Variants in PDE7B observed in about 807,000 individuals in gnomAD.
PDE7B encodes the protein 3',5'-cyclic-AMP phosphodiesterase 7B.
In PDE7B, 29 loss-of-function variants were observed where a neutral mutation model predicts 56.2. The observed-to-expected ratio is 0.52, with a 90% CI of 0.38 to 0.70. The LOEUF is 0.70. PDE7B is among the 30% of genes least tolerant of loss of function. The pLI is 0.00. For synonymous variants in PDE7B, 197 were observed against 196.9 expected (o/e 1.00, Z 0.00); for missense variants, 490 against 565.0 (o/e 0.87, Z 1.35).
At chr6:136,171,801 C>T (rs1474491989) in intron 8 of PDE7B, among the ~76,000 whole-genome samples, 2 of 126,922 alleles carry the variant, frequency 1.6e-5, no homozygotes, top group African/African-American at 6.0e-5. Flanking sequence ...CCCGACCCCA[C>T]AACAGGCCCT....
chr6:136,128,259 A>G (rs533208343), intron 3 of PDE7B, among the ~76,000 whole-genome samples: 3 of 152,178 alleles, frequency 2.0e-5, no homozygotes, highest in Admixed American at 6.5e-5. Flanking sequence ...CATTCCCCTT[A>G]ACAGAAAGCT....
chr6:135,939,828 A>G (rs1774479299), intron 1 of PDE7B, among the ~76,000 whole-genome samples: 1 of 152,102 alleles, frequency 6.6e-6, no homozygotes, highest in South Asian at 2.1e-4. Flanking sequence ...GGACTAAGAA[A>G]CACTTCAGCT....
intron 1 of PDE7B, among the ~76,000 whole-genome samples, chr6:135,876,693 A>C (rs539828748): frequency 6.6e-6 from 1 of 152,212 alleles, no homozygotes; most frequent in East Asian, 1.9e-4. Flanking sequence ...CCCCGTCTCT[A>C]CTAAAAATAC....
intron 2 of PDE7B, among the ~76,000 whole-genome samples, chr6:136,069,486 A>G (rs1777009626): frequency 1.3e-5 from 2 of 152,236 alleles, no homozygotes; most frequent in Non-Finnish European, 2.9e-5. Context: ...TGTACAGTTC[A>G]AAACTGTCTC....
At chr6:135,898,622 A>G (rs1775943565) in intron 1 of PDE7B, among the ~76,000 whole-genome samples, 1 of 152,154 alleles carries the variant, frequency 6.6e-6, no homozygotes, top group African/African-American at 2.4e-5. Flanking sequence ...CAAAATTTTA[A>G]ATTATATACT....
intron 1 of PDE7B, among the ~76,000 whole-genome samples, chr6:135,863,812 G>T (rs1381059166): frequency 6.7e-6 from 1 of 148,688 alleles, no homozygotes; most frequent in African/African-American, 2.5e-5. Flanking sequence ...GTTTTAAATT[G>T]TCTATATGTT....
Position 136,054,458 on chromosome 6 carries a change from A to C in PDE7B, c.83-54273A>C, listed in dbSNP as rs534642698. Reference sequence around the variant, plus strand: ...TATCATGCTGTTTTGGTTACTGTAGACTTGTAGTATAGTTTGAAGTCAGGT... The same window carrying C: ...TATCATGCTGTTTTGGTTACTGTAGCCTTGTAGTATAGTTTGAAGTCAGGT... On this transcript the variant is annotated intron_variant, in intron 2 of 12. Coordinates refer to ENST00000308191, the MANE Select transcript of PDE7B (RefSeq NM_018945.4). Among the ~76,000 whole-genome samples, 515 of 151,992 alleles carry C rather than the reference A, an allele frequency of 3.4e-3. 1 individual carries two copies. Among genetic ancestry groups the C allele is most frequent in the Non-Finnish European group, 5.3e-3 (363 of 67,942 alleles).
In PDE7B at chr6:135,886,009, C is replaced by T. The variant is rs191567980; in HGVS notation, c.21+33990C>T. On this transcript the variant is annotated intron_variant, in intron 1 of 12. Coordinates refer to ENST00000308191, the MANE Select transcript of PDE7B (RefSeq NM_018945.4). The stretch of plus-strand genomic sequence containing the variant: ...TGTCAGCTTTGAGCAAAACGTACAA[C>T]TTGACTCAATTTAGTTTGCTGCTAG... Among the ~76,000 whole-genome samples, 261 of 152,286 alleles carry T rather than the reference C, an allele frequency of 1.7e-3. 1 individual carries two copies. Among genetic ancestry groups the T allele is most frequent in the African/African-American group, 5.8e-3 (240 of 41,572 alleles).
At chr6:135,935,880 A>C (rs1774411946) in intron 1 of PDE7B, among the ~76,000 whole-genome samples, 1 of 152,214 alleles carries the variant, frequency 6.6e-6, no homozygotes, top group South Asian at 2.1e-4. Context: ...TGCATGTCTC[A>C]GCGCTGTCCA....
chr6:136,024,422 T>C (rs1776117361), intron 2 of PDE7B, among the ~76,000 whole-genome samples: 1 of 152,206 alleles, frequency 6.6e-6, no homozygotes, highest in Non-Finnish European at 1.5e-5. Flanking sequence ...CATCTTTTTC[T>C]TTCATCTCCT....
intron 1 of PDE7B, among the ~76,000 whole-genome samples, chr6:135,902,230 C>G (rs1040860661): frequency 1.3e-5 from 2 of 151,942 alleles, no homozygotes; most frequent in African/African-American, 4.8e-5. Flanking sequence ...AAAAGACATG[C>G]TGGAGGAAGT....
intron 2 of PDE7B, among the ~76,000 whole-genome samples, chr6:136,099,409 C>T (rs1777524528): frequency 6.6e-6 from 1 of 152,180 alleles, no homozygotes; most frequent in South Asian, 2.1e-4. Flanking sequence ...AAAAGCATTC[C>T]TATTTCTCCA....
intron 1 of PDE7B, among the ~76,000 whole-genome samples, chr6:135,894,262 A>G (rs560806342): frequency 2.0e-5 from 3 of 152,288 alleles, no homozygotes; most frequent in South Asian, 2.1e-4. Flanking sequence ...TATCTCAAAC[A>G]TAGCATTTTA....
intron 2 of PDE7B, among the ~76,000 whole-genome samples, chr6:135,980,513 A>C (rs1388172343): frequency 6.6e-6 from 1 of 151,576 alleles, no homozygotes; most frequent in East Asian, 1.9e-4. Flanking sequence ...CAACCTACAA[A>C]ATGGGAGAAA....
At chr6:135,895,183 CT>C (rs1775876976) in intron 1 of PDE7B, among the ~76,000 whole-genome samples, 1 of 151,862 alleles carries the variant, frequency 6.6e-6, no homozygotes, top group African/African-American at 2.4e-5. Flanking sequence ...TGCCCATTGG[CT>C]TTTAGAAGGC....
chr6:136,043,539 G>A (rs1776446716), intron 2 of PDE7B, among the ~76,000 whole-genome samples: 1 of 134,482 alleles, frequency 7.4e-6, no homozygotes, highest in South Asian at 2.3e-4. Flanking sequence ...TAGCACCTTT[G>A]CTTAAGGTTG....
chr6:136,007,289 T>A (rs1261353378), intron 2 of PDE7B, among the ~76,000 whole-genome samples: 1 of 152,198 alleles, frequency 6.6e-6, no homozygotes, highest in Admixed American at 6.5e-5. Flanking sequence ...AGCCTTTTGA[T>A]GTGCTGCTGG....
intron 8 of PDE7B, among the ~76,000 whole-genome samples, chr6:136,170,642 C>A (rs1373517285): frequency 6.6e-6 from 1 of 152,178 alleles, no homozygotes; most frequent in Admixed American, 6.5e-5. Flanking sequence ...TACAAGGAAG[C>A]AAAATTTATT....
intron 3 of PDE7B, among the ~76,000 whole-genome samples, chr6:136,125,033 C>T (rs1423281962): frequency 6.6e-6 from 1 of 152,066 alleles, no homozygotes; most frequent in Non-Finnish European, 1.5e-5. Flanking sequence ...TTTGTCTTTT[C>T]TAAACAAAGA....
Sources: gnomAD v4.1 joint callset for allele counts (sites outside exome capture counted in the v4.1 genomes callset) on GRCh38, gnomAD v4.1.1 for gene constraint, MANE v1.5 for transcripts, NCBI Gene and HGNC (gene_info 2026-07-23, HGNC 2026-07-21) for gene names.